Variants in CSNK2A2IP observed in about 807,000 individuals in gnomAD.
CSNK2A2IP encodes casein kinase II subunit alpha'-interacting protein.
At chr3:88,454,964 T>TCTC in the CSNK2A2IP span, among the ~76,000 whole-genome samples, 1 of 151,266 alleles carries the variant, frequency 6.6e-6, no homozygotes, top group Non-Finnish European at 1.5e-5. Flanking sequence ...AGGTTTCACA[T>TCTC]ATAAGTGAGA....
the CSNK2A2IP span, among the ~76,000 whole-genome samples, chr3:88,432,175 A>G: frequency 1.3e-5 from 2 of 151,958 alleles, no homozygotes; most frequent in Non-Finnish European, 2.9e-5. Context: ...CTGAATGAAT[A>G]ATTAAAAAGT....
the CSNK2A2IP span, among the ~76,000 whole-genome samples, chr3:88,426,694 T>G: frequency 6.6e-6 from 1 of 152,128 alleles, no homozygotes; most frequent in African/African-American, 2.4e-5. Flanking sequence ...CTCAGCAGCT[T>G]TCCTTCCTGC....
the CSNK2A2IP span, among the ~76,000 whole-genome samples, chr3:88,369,640 A>G: frequency 6.6e-6 from 1 of 151,936 alleles, no homozygotes; most frequent in Non-Finnish European, 1.5e-5. Flanking sequence ...AAATTTCTGG[A>G]TGAACCCAGG....
chr3:88,353,079 G>A, the CSNK2A2IP span, among the ~76,000 whole-genome samples: 6 of 152,044 alleles, frequency 3.9e-5, no homozygotes, highest in East Asian at 1.2e-3. Flanking sequence ...ACTTCCCTTT[G>A]TTATCTGGAT....
chr3:88,352,223 A>AT, the CSNK2A2IP span, among the ~76,000 whole-genome samples: 343 of 151,906 alleles, frequency 2.3e-3, 2 homozygotes, highest in South Asian at 5.2e-3. Context: ...TCATCTATCT[A>AT]CCTATCTATC....
the CSNK2A2IP span, among the ~76,000 whole-genome samples, chr3:88,391,751 G>A: frequency 6.6e-6 from 1 of 152,184 alleles, no homozygotes; most frequent in African/African-American, 2.4e-5. Context: ...GGAACTAACT[G>A]CATTTGATGT....
chr3:88,364,569 TG>T, the CSNK2A2IP span, among the ~76,000 whole-genome samples: 1 of 152,084 alleles, frequency 6.6e-6, no homozygotes, highest in Non-Finnish European at 1.5e-5. Context: ...TATAGGATGT[TG>T]GAAGAGTGGG....
the CSNK2A2IP span, among the ~76,000 whole-genome samples, chr3:88,386,206 C>T: frequency 1.2e-4 from 18 of 151,942 alleles, no homozygotes; most frequent in Non-Finnish European, 2.1e-4. Flanking sequence ...TTTACTGCAA[C>T]CTCCATCTCC....
the CSNK2A2IP span, among the ~76,000 whole-genome samples, chr3:88,406,162 T>C: frequency 6.6e-6 from 1 of 152,176 alleles, no homozygotes; most frequent in African/African-American, 2.4e-5. Context: ...GATTTCAAGA[T>C]ATAAAAATGC....
the CSNK2A2IP span, among the ~76,000 whole-genome samples, chr3:88,345,416 C>T: frequency 2.0e-5 from 3 of 151,944 alleles, no homozygotes; most frequent in African/African-American, 4.8e-5. Flanking sequence ...CTTTGCTTTA[C>T]TGAGCTTCAC....
chr3:88,446,625 T>C, the CSNK2A2IP span, among the ~76,000 whole-genome samples: 16 of 152,222 alleles, frequency 1.1e-4, no homozygotes, highest in Non-Finnish European at 5.9e-5. Flanking sequence ...AATGGTGAAA[T>C]GATCCTTCAA....
At chr3:88,362,559 T>C in the CSNK2A2IP span, among the ~76,000 whole-genome samples, 6 of 152,302 alleles carry the variant, frequency 3.9e-5, no homozygotes, top group African/African-American at 1.4e-4. Context: ...TGATACATAA[T>C]GCCCATGACC....
At chr3:88,395,121 A>C in the CSNK2A2IP span, among the ~76,000 whole-genome samples, 1 of 152,256 alleles carries the variant, frequency 6.6e-6, no homozygotes, top group Admixed American at 6.5e-5. Context: ...ACTCATATGC[A>C]GACGTATATA....
chr3:88,417,916 G>C, the CSNK2A2IP span, among the ~76,000 whole-genome samples: 1 of 152,100 alleles, frequency 6.6e-6, no homozygotes, highest in African/African-American at 2.4e-5. Context: ...AATCATTTCT[G>C]GTAGAGCAAG....
At chr3:88,399,252 C>A in the CSNK2A2IP span, among the ~76,000 whole-genome samples, 11 of 152,030 alleles carry the variant, frequency 7.2e-5, no homozygotes, top group Non-Finnish European at 5.9e-5. Context: ...ATTCTTAGAG[C>A]AAAATGGTTG....
the CSNK2A2IP span, among the ~76,000 whole-genome samples, chr3:88,451,184 G>C: frequency 6.6e-6 from 1 of 152,052 alleles, no homozygotes; most frequent in Admixed American, 6.6e-5. Flanking sequence ...CCTAAAAAAG[G>C]GGGAAATTAT....
chr3:88,386,733 G>A, the CSNK2A2IP span, among the ~76,000 whole-genome samples: 6 of 152,142 alleles, frequency 3.9e-5, no homozygotes, highest in South Asian at 2.1e-4. Flanking sequence ...GTTAGTGAAC[G>A]AAATGTTAAA....
the CSNK2A2IP span, among the ~76,000 whole-genome samples, chr3:88,388,131 C>T: frequency 6.6e-6 from 1 of 152,110 alleles, no homozygotes; most frequent in African/African-American, 2.4e-5. Flanking sequence ...TATTTGACTT[C>T]CTCTGTTGTC....
At chr3:88,343,478 C>T in the CSNK2A2IP span, among the ~76,000 whole-genome samples, 5 of 151,726 alleles carry the variant, frequency 3.3e-5, no homozygotes, top group Admixed American at 1.3e-4. Flanking sequence ...TATTACTAGG[C>T]GTGGTTATGA....
Sources: allele counts gnomAD v4.1 joint callset (sites outside exome capture counted in the v4.1 genomes callset), GRCh38; gene constraint gnomAD v4.1.1; transcripts MANE v1.5; gene names NCBI Gene and HGNC (gene_info 2026-07-23, HGNC 2026-07-21).